The following SUSD6 variants were observed in gnomAD, a reference collection of about 807,000 sequenced individuals.
SUSD6 encodes sushi domain-containing protein 6.
A neutral mutation model predicts 28.4 loss-of-function variants in SUSD6; 16 were observed. That is an observed-to-expected ratio of 0.56 (90% CI 0.38 to 0.86). The LOEUF (loss-of-function observed/expected upper bound fraction) is 0.86. Ranked by LOEUF, SUSD6 falls within the 40% of genes least tolerant of loss-of-function variation. SUSD6 has a pLI of 0.00. For missense variants in SUSD6, 341 were observed against 384.2 expected (o/e 0.89, Z 0.94); for synonymous variants, 147 against 159.6 (o/e 0.92, Z 0.59).
chr14:69,708,986 C>A lies in SUSD6; in HGVS notation c.768C>A (p.Thr256=). The A allele has an allele frequency of 1.2e-6, 2 of 1,614,156 alleles. No individual in the cohort carries two copies. The highest frequency in any genetic ancestry group is 2.2e-5 in the South Asian group (2 of 91,080). ...ASETVMVHQA[T]TSSWVAGSGN... ...AGACTGTGATGGTGCATCAGGCAAC[C>A]ACCTCTTCCTGGGTGGCCGGCTCAG... is the stretch of plus-strand genomic sequence containing the variant. Residue 256 remains threonine, a synonymous_variant, in exon 5 of 6, where the codon ACC becomes ACA. Transcript: ENST00000342745.
chr14:69,620,210 A>G (rs1885017516), intron 1 of SUSD6, among the ~76,000 whole-genome samples: 1 of 152,196 alleles, frequency 6.6e-6, no homozygotes, highest in Non-Finnish European at 1.5e-5. Flanking sequence ...TCCTGTGGGA[A>G]TTTTGCTTGT....
intron 4 of SUSD6, among the ~76,000 whole-genome samples, chr14:69,707,855 A>G (rs1411148364): frequency 6.6e-6 from 1 of 152,218 alleles, no homozygotes; most frequent in Admixed American, 6.5e-5. Context: ...AAGCAAAGAA[A>G]TGATTTTCCT....
intron 2 of SUSD6, among the ~76,000 whole-genome samples, chr14:69,673,903 C>T (rs1255912710): frequency 6.6e-6 from 1 of 152,142 alleles, no homozygotes; most frequent in Non-Finnish European, 1.5e-5. Context: ...CTTTTGTGCT[C>T]TGATATTCTG....
chr14:69,658,577 C>T lies in SUSD6; in HGVS notation c.-16C>T, dbSNP rs770004623. On this transcript the variant is annotated 5_prime_UTR_variant, in exon 2 of 6. Coordinates refer to ENST00000342745, the MANE Select transcript of SUSD6 (RefSeq NM_014734.4). Reference sequence around the variant, plus strand: ...TTTAAATTTTTTCTTTTTAAAAAAACTTGGACGGATAAAAGATGTGCCATG... The same window carrying T: ...TTTAAATTTTTTCTTTTTAAAAAAATTTGGACGGATAAAAGATGTGCCATG... 1 of 1,613,294 alleles carries T rather than the reference C, an allele frequency of 6.2e-7. No individual in the cohort carries two copies.
At chr14:69,618,532 A>G (rs962706921) in intron 1 of SUSD6, among the ~76,000 whole-genome samples, 1 of 152,248 alleles carries the variant, frequency 6.6e-6, no homozygotes, top group African/African-American at 2.4e-5. Flanking sequence ...ACGGAGGATC[A>G]AGATGGTTAC....
chr14:69,619,712 A>G (rs1460319413), intron 1 of SUSD6, among the ~76,000 whole-genome samples: 1 of 152,106 alleles, frequency 6.6e-6, no homozygotes, highest in Admixed American at 6.5e-5. Context: ...TCAAGACTGC[A>G]ATGAGCTATG....
chr14:69,681,290 A>G (rs1885993948), intron 2 of SUSD6, among the ~76,000 whole-genome samples: 1 of 152,244 alleles, frequency 6.6e-6, no homozygotes, highest in South Asian at 2.1e-4. Context: ...GGTCCTGCTC[A>G]GGGAAAAAAT....
intron 2 of SUSD6, among the ~76,000 whole-genome samples, chr14:69,660,600 T>C (rs1885648238): frequency 6.6e-6 from 1 of 152,270 alleles, no homozygotes. Flanking sequence ...CAGAGTGTGG[T>C]TGACTCTCTT....
intron 1 of SUSD6, among the ~76,000 whole-genome samples, chr14:69,648,902 C>T (rs1885465119): frequency 6.6e-6 from 1 of 152,140 alleles, no homozygotes; most frequent in South Asian, 2.1e-4. Context: ...CTCTCTCTGC[C>T]ATCCTTTTGG....
chr14:69,628,097 T>A (rs769363593), intron 1 of SUSD6, among the ~76,000 whole-genome samples: 1 of 151,902 alleles, frequency 6.6e-6, no homozygotes, highest in Non-Finnish European at 1.5e-5. Context: ...CACGCCCAGG[T>A]AATTTTTGGA....
intron 2 of SUSD6, among the ~76,000 whole-genome samples, chr14:69,661,085 T>A (rs1427051119): frequency 1.3e-5 from 2 of 152,216 alleles, no homozygotes; most frequent in Non-Finnish European, 2.9e-5. Context: ...GCCCAGAATC[T>A]CACAGCTAAT....
chr14:69,617,650 C>T (rs932061982), intron 1 of SUSD6: 1 of 152,252 alleles, frequency 6.6e-6, no homozygotes, highest in Non-Finnish European at 1.5e-5. Context: ...GAAGCCTCAG[C>T]TCTAAATCTC....
At chr14:69,684,894 C>G (rs1036805465) in intron 2 of SUSD6, among the ~76,000 whole-genome samples, 1 of 152,222 alleles carries the variant, frequency 6.6e-6, no homozygotes, top group Non-Finnish European at 1.5e-5. Context: ...ACTTTCTTTC[C>G]CACTTTTCTT....
intron 2 of SUSD6, among the ~76,000 whole-genome samples, chr14:69,660,100 G>A (rs1160136160): frequency 6.6e-6 from 1 of 152,150 alleles, no homozygotes; most frequent in Non-Finnish European, 1.5e-5. Flanking sequence ...CTCAGAACTA[G>A]ATCCTGGAAG....
At chr14:69,693,103 C>T (rs1318733106) in intron 2 of SUSD6, among the ~76,000 whole-genome samples, 1 of 152,202 alleles carries the variant, frequency 6.6e-6, no homozygotes, top group Non-Finnish European at 1.5e-5. Flanking sequence ...CCATTGTCAT[C>T]CCACCATCTG....
chr14:69,696,006 A>G (rs1442099211), intron 2 of SUSD6, among the ~76,000 whole-genome samples: 1 of 152,318 alleles, frequency 6.6e-6, no homozygotes, highest in African/African-American at 2.4e-5. Flanking sequence ...GGCTGTTCAT[A>G]CTGGGTATAA....
intron 2 of SUSD6, among the ~76,000 whole-genome samples, chr14:69,674,852 G>A (rs1885883941): frequency 6.6e-6 from 1 of 152,152 alleles, no homozygotes; most frequent in South Asian, 2.1e-4. Flanking sequence ...CTCTGATCCA[G>A]CCTGGGCAAC....
chr14:69,617,821 T>C (rs1884980949), intron 1 of SUSD6, among the ~76,000 whole-genome samples: 1 of 152,204 alleles, frequency 6.6e-6, no homozygotes, highest in South Asian at 2.1e-4. Context: ...GGGAGTGGAA[T>C]GCTTATTGAA....
intron 1 of SUSD6, among the ~76,000 whole-genome samples, chr14:69,650,618 C>T (rs545911479): frequency 6.6e-6 from 1 of 152,238 alleles, no homozygotes; most frequent in South Asian, 2.1e-4. Flanking sequence ...GGCTTTGTTC[C>T]TGCTCACAGG....
Sources: allele counts gnomAD v4.1 joint callset (sites outside exome capture counted in the v4.1 genomes callset), GRCh38; gene constraint gnomAD v4.1.1; transcripts MANE v1.5; gene names NCBI Gene and HGNC (gene_info 2026-07-23, HGNC 2026-07-21).